RBM19: variants seen among roughly 807,000 people sequenced by gnomAD.
The protein encoded by RBM19 is RNA binding motif protein 19, also known as probable RNA-binding protein 19.
Under a neutral mutation model 116.8 loss-of-function variants are expected in RBM19, and 94 were observed. The ratio of observed to expected loss-of-function variants is 0.80; its 90% CI spans 0.68 to 0.95. The LOEUF is 0.95. Ranked by LOEUF, RBM19 falls within the 40% of genes least tolerant of loss-of-function variation. RBM19 has a pLI of 0.00. For missense variants in RBM19, 1,161 were observed against 1,220.7 expected, an observed-to-expected ratio of 0.95 and a Z score of 0.73; for synonymous variants, 475 against 494.1, an observed-to-expected ratio of 0.96 and a Z score of 0.51.
At chr12:113,852,849 C>T (rs145847582) in intron 22 of RBM19, among the ~76,000 whole-genome samples, 5 of 152,362 alleles carry the variant, frequency 3.3e-5, no homozygotes, top group East Asian at 1.9e-4. Flanking sequence ...GCGTGCAGCA[C>T]GTTCCTCCTC....
intron 23 of RBM19, among the ~76,000 whole-genome samples, chr12:113,837,435 A>G (rs1036382093): frequency 3.9e-5 from 6 of 152,226 alleles, no homozygotes; most frequent in Non-Finnish European, 8.8e-5. Flanking sequence ...GCCCCGAAGG[A>G]CCATGAGGCC....
In RBM19 at chr12:113,942,359, T is replaced by C. The variant is rs1483505423; in HGVS notation, c.1702A>G (p.Ile568Val). 1 of 1,608,234 alleles carries C rather than the reference T, an allele frequency of 6.2e-7. No individual in the cohort carries two copies. The highest frequency in any genetic ancestry group is 1.7e-5 in the Admixed American group (1 of 59,934). ...GAATCCAGGCTGACCCCGTTGTCTA[T>C]GAGAAAACGCCGCACTTCCTGGACG... ...QLVQEVRRFLIDNGVSLDSFS... is the reference protein window; with the variant it reads ...QLVQEVRRFLVDNGVSLDSFS... Residue 568 changes from isoleucine (I) to valine (V), a missense_variant, in exon 14 of 24, where the codon ATA (isoleucine) becomes GTA (valine). By Grantham distance (29) the Ile-to-Val change is conservative. Transcript: ENST00000261741.
intron 21 of RBM19, among the ~76,000 whole-genome samples, chr12:113,884,610 C>A (rs1880401548): frequency 6.6e-6 from 1 of 152,164 alleles, no homozygotes; most frequent in Non-Finnish European, 1.5e-5. Flanking sequence ...CATGAGCACA[C>A]CTGGCACCCA....
chr12:113,842,339 G>C (rs1473341526), intron 23 of RBM19, among the ~76,000 whole-genome samples: 1 of 152,268 alleles, frequency 6.6e-6, no homozygotes, highest in Non-Finnish European at 1.5e-5. Flanking sequence ...ACTCCAGGGA[G>C]AGTCCCTTAC....
At chr12:113,884,853 AAAAT>A (rs1345007389) in intron 21 of RBM19, among the ~76,000 whole-genome samples, 6 of 152,342 alleles carry the variant, frequency 3.9e-5, no homozygotes, top group East Asian at 1.9e-4. Context: ...TTTGCAAAAC[AAAAT>A]AAATAATGAT....
rs1593661767 is a variant in RBM19 at position 113,962,294 on chromosome 12, C to T, written c.157G>A (p.Glu53Lys). ...KFGFIGFKSE[E>K]EAQKAQKHFN... ...TGCTTCTGTGCCTTCTGGGCCTCTT[C>T]CTCGGACTTGAAGCCAATAAAACCA... Residue 53 changes from glutamate (E) to lysine (K), a missense_variant, in exon 2 of 24, where the codon GAA becomes AAA. Physicochemically the swap from Glu to Lys is moderately conservative, Grantham distance 56. Transcript: ENST00000261741. The T allele has an allele frequency of 6.2e-7, 1 of 1,614,232 alleles. No homozygotes were observed. Among genetic ancestry groups the T allele is most frequent in the East Asian group, 2.2e-5 (1 of 44,882 alleles).
intron 23 of RBM19, among the ~76,000 whole-genome samples, chr12:113,832,556 C>T (rs769459644): frequency 8.5e-5 from 13 of 152,190 alleles, no homozygotes; most frequent in Non-Finnish European, 1.8e-4. Flanking sequence ...CACCCAGTCT[C>T]GGCCTTTCCT....
chr12:113,964,954 A>C (rs762264351), intron 1 of RBM19, among the ~76,000 whole-genome samples: 17 of 151,256 alleles, frequency 1.1e-4, no homozygotes, highest in Non-Finnish European at 1.6e-4. Context: ...AAAAAAAAGG[A>C]AAGGAAAAAA....
intron 23 of RBM19, among the ~76,000 whole-genome samples, chr12:113,840,938 A>C (rs1204353176): frequency 6.6e-6 from 1 of 152,112 alleles, no homozygotes; most frequent in East Asian, 1.9e-4. Context: ...GGGTCTTTCT[A>C]TGAGGCTCCT....
intron 21 of RBM19, among the ~76,000 whole-genome samples, chr12:113,879,589 C>A (rs58268915): frequency 6.6e-6 from 1 of 151,714 alleles, no homozygotes; most frequent in Non-Finnish European, 1.5e-5. Flanking sequence ...CTTCCTCCTA[C>A]GCCCCGCTTC....
At chr12:113,936,869 G>T in intron 16 of RBM19, 138 bp downstream of exon 16, 2 of 1,163,996 alleles carry the variant, frequency 1.7e-6, no homozygotes, top group Non-Finnish European at 2.4e-6. Flanking sequence ...AAATCTGAGA[G>T]TCTGAGCCCT....
chr12:113,832,819 T>G (rs954451758), intron 23 of RBM19, among the ~76,000 whole-genome samples: 1 of 152,206 alleles, frequency 6.6e-6, no homozygotes, highest in Non-Finnish European at 1.5e-5. Flanking sequence ...CTTTCCTGAC[T>G]GTGAGTTTTA....
intron 22 of RBM19, among the ~76,000 whole-genome samples, chr12:113,856,185 G>A (rs1174280875): frequency 2.0e-5 from 3 of 152,148 alleles, no homozygotes; most frequent in Non-Finnish European, 4.4e-5. Context: ...TCCTCCCAGA[G>A]CCCGGAGTAA....
chr12:113,963,013 C>T (rs546379505), intron 1 of RBM19, among the ~76,000 whole-genome samples: 1 of 152,244 alleles, frequency 6.6e-6, no homozygotes, highest in African/African-American at 2.4e-5. Flanking sequence ...TTGGAAGATG[C>T]TATGCTATTG....
At chr12:113,940,280 G>T in intron 14 of RBM19, 120 bp from the exon 15 acceptor site, 1 of 1,035,132 alleles carries the variant, frequency 9.7e-7, no homozygotes, top group Non-Finnish European at 1.4e-6. Flanking sequence ...CAGCAACCAG[G>T]CACTTAGGAG....
chr12:113,944,446 G>C (rs1433181671), intron 13 of RBM19, among the ~76,000 whole-genome samples: 2 of 151,988 alleles, frequency 1.3e-5, no homozygotes, highest in East Asian at 3.9e-4. Flanking sequence ...AATATACAAA[G>C]AAGGGGGCAT....
At chr12:113,891,062 C>A (rs999519901) in intron 21 of RBM19, among the ~76,000 whole-genome samples, 14 of 152,020 alleles carry the variant, frequency 9.2e-5, no homozygotes, top group African/African-American at 3.4e-4. Context: ...CTCAGCCTAC[C>A]AAGGTGTTGG....
At chr12:113,919,887 G>C (rs1409252369) in intron 19 of RBM19, among the ~76,000 whole-genome samples, 4 of 152,050 alleles carry the variant, frequency 2.6e-5, no homozygotes, top group Non-Finnish European at 2.9e-5. Context: ...CAGCTGCAGA[G>C]GCTGGAGTAG....
intron 5 of RBM19, 76 bp downstream of exon 5, chr12:113,959,135 AG>A: frequency 6.6e-7 from 1 of 1,508,888 alleles, no homozygotes; most frequent in South Asian, 1.3e-5. Context: ...GTCTGCACAG[AG>A]GGGCCCCCAG....
Sources: gnomAD v4.1 joint callset for allele counts (sites outside exome capture counted in the v4.1 genomes callset) on GRCh38, gnomAD v4.1.1 for gene constraint, MANE v1.5 for transcripts, NCBI Gene and HGNC (gene_info 2026-07-23, HGNC 2026-07-21) for gene names.